The following KHDRBS2 variants were observed in gnomAD, a reference collection of about 807,000 sequenced individuals.
KHDRBS2 encodes KH domain-containing, RNA-binding, signal transduction-associated protein 2.
Under a neutral mutation model 44.3 loss-of-function variants are expected in KHDRBS2, and 26 were observed. The ratio of observed to expected loss-of-function variants is 0.59; its 90% CI spans 0.43 to 0.81. The LOEUF is 0.81. KHDRBS2 is among the 40% of genes least tolerant of loss of function. The pLI is 0.00. For missense variants in KHDRBS2, 476 were observed against 433.1 expected, an observed-to-expected ratio of 1.10 and a Z score of -0.88; for synonymous variants, 194 against 151.1, an observed-to-expected ratio of 1.28 and a Z score of -2.08.
At chr6:62,081,589 A>C (rs1004048526) in intron 2 of KHDRBS2, among the ~76,000 whole-genome samples, 10 of 152,136 alleles carry the variant, frequency 6.6e-5, no homozygotes, top group Non-Finnish European at 1.0e-4. Context: ...TTCTCTGTTA[A>C]AGCAGATCAA....
chr6:62,210,834 T>C (rs1287652673), intron 1 of KHDRBS2, among the ~76,000 whole-genome samples: 1 of 151,954 alleles, frequency 6.6e-6, no homozygotes, highest in African/African-American at 2.4e-5. Flanking sequence ...TCTCAGAGAG[T>C]TACCCTCTAA....
the KHDRBS2 span, among the ~76,000 whole-genome samples, chr6:61,625,830 A>G: frequency 1.3e-5 from 2 of 152,216 alleles, no homozygotes; most frequent in Non-Finnish European, 2.9e-5. Context: ...AGATAAGCCT[A>G]TGAAAGTTCT....
chr6:61,769,963 G>A (rs1011950627), intron 6 of KHDRBS2, among the ~76,000 whole-genome samples: 8 of 152,106 alleles, frequency 5.3e-5, no homozygotes, highest in Non-Finnish European at 1.0e-4. Context: ...CACCTCACAC[G>A]GCTGTGTACT....
At chr6:61,796,621 T>C (rs908585552) in intron 6 of KHDRBS2, among the ~76,000 whole-genome samples, 2 of 151,854 alleles carry the variant, frequency 1.3e-5, no homozygotes, top group Admixed American at 6.6e-5. Context: ...ATATAGTGCA[T>C]AATGACAAAA....
the KHDRBS2 span, among the ~76,000 whole-genome samples, chr6:61,591,817 G>A: frequency 6.6e-6 from 1 of 152,146 alleles, no homozygotes. Context: ...CATCAAAGCA[G>A]GGAAGGGGTC....
At chr6:61,953,447 A>T (rs576260810) in intron 4 of KHDRBS2, among the ~76,000 whole-genome samples, 60 of 152,130 alleles carry the variant, frequency 3.9e-4, no homozygotes, top group African/African-American at 1.3e-3. Flanking sequence ...ATACATGCTG[A>T]CTCAGAACCA....
At chr6:61,580,997 C>A in the KHDRBS2 span, among the ~76,000 whole-genome samples, 1 of 152,058 alleles carries the variant, frequency 6.6e-6, no homozygotes, top group African/African-American at 2.4e-5. Context: ...AATAATGAAA[C>A]ATAATATAGA....
At chr6:61,907,449 CT>C (rs1341563886) in intron 4 of KHDRBS2, among the ~76,000 whole-genome samples, 3 of 152,080 alleles carry the variant, frequency 2.0e-5, no homozygotes, top group Admixed American at 2.0e-4. Context: ...GTTGCCTGTG[CT>C]TTTTGAAGTA....
At chr6:61,563,963 CA>C in the KHDRBS2 span, among the ~76,000 whole-genome samples, 1 of 152,028 alleles carries the variant, frequency 6.6e-6, no homozygotes, top group Non-Finnish European at 1.5e-5. Flanking sequence ...TGACCTTGGA[CA>C]GTTTATTAGT....
intron 4 of KHDRBS2, among the ~76,000 whole-genome samples, chr6:61,911,485 G>A (rs1806043559): frequency 6.6e-6 from 1 of 152,122 alleles, no homozygotes; most frequent in South Asian, 2.1e-4. Context: ...AAGGATCGAA[G>A]CCTTCTTTAA....
intron 6 of KHDRBS2, among the ~76,000 whole-genome samples, chr6:61,846,661 C>T (rs1794461636): frequency 6.6e-6 from 1 of 152,062 alleles, no homozygotes; most frequent in African/African-American, 2.4e-5. Context: ...ATATTTATAA[C>T]TCATTTTTCT....
intron 3 of KHDRBS2, among the ~76,000 whole-genome samples, chr6:62,025,367 A>C (rs1783100087): frequency 6.6e-6 from 1 of 151,726 alleles, no homozygotes; most frequent in Non-Finnish European, 1.5e-5. Flanking sequence ...TTAATGAGAA[A>C]AACTTTAAAG....
Position 61,845,728 on chromosome 6 carries a change from G to A in KHDRBS2, c.810+48907C>T, listed in dbSNP as rs577548041. On this transcript the variant is annotated intron_variant, in intron 6 of 8. Transcript: ENST00000281156. ...AGGTCGTTGGTGGTGAACGTGGAGAGAATAAATCTGAGAAAGCCTCTCTAT... is the reference window on the plus strand; with the variant it reads ...AGGTCGTTGGTGGTGAACGTGGAGAAAATAAATCTGAGAAAGCCTCTCTAT... Among the ~76,000 whole-genome samples the A allele has an allele frequency of 2.0e-5, 3 of 152,330 alleles. No homozygotes were observed. The South Asian group carries it at 6.2e-4, about 32-fold the overall frequency.
Position 62,027,954 on chromosome 6 carries a change from C to T in KHDRBS2, c.336+19924G>A, listed in dbSNP as rs141003016. Reference sequence around the variant, plus strand: ...AGCAAATTAACAAACCCGAGGAAGTCGTTGTAGGAATCTCCAGTTTGTAGC... The same window carrying T: ...AGCAAATTAACAAACCCGAGGAAGTTGTTGTAGGAATCTCCAGTTTGTAGC... On this transcript the variant is annotated intron_variant, in intron 3 of 8. Coordinates refer to ENST00000281156, the MANE Select transcript of KHDRBS2 (RefSeq NM_152688.4). 1.2e-4 allele frequency among the ~76,000 whole-genome samples: 18 copies of T among 152,098 alleles called. No individual in the cohort carries two copies. The Middle Eastern group carries it at 0.01, about 86-fold the overall frequency.
intron 7 of KHDRBS2, among the ~76,000 whole-genome samples, chr6:61,722,833 C>T (rs1407745266): frequency 6.6e-6 from 1 of 151,956 alleles, no homozygotes; most frequent in Non-Finnish European, 1.5e-5. Context: ...CCTCAGCCTC[C>T]TCAGTAGCTG....
chr6:61,785,166 A>AAAC (rs1182346562), intron 6 of KHDRBS2, among the ~76,000 whole-genome samples: 1 of 137,026 alleles, frequency 7.3e-6, no homozygotes, highest in African/African-American at 2.9e-5. Flanking sequence ...ACAAACAAAC[A>AAAC]AACAACAACA....
chr6:62,100,869 G>T (rs996382378), intron 2 of KHDRBS2, among the ~76,000 whole-genome samples: 1 of 152,046 alleles, frequency 6.6e-6, no homozygotes, highest in Non-Finnish European at 1.5e-5. Flanking sequence ...CATCTCTGAG[G>T]TATGCCTATA....
chr6:61,901,946 T>A (rs533190802), intron 4 of KHDRBS2, among the ~76,000 whole-genome samples: 9 of 152,276 alleles, frequency 5.9e-5, no homozygotes, highest in African/African-American at 1.9e-4. Context: ...TATTTATTTA[T>A]TTTCATTATT....
chr6:61,911,906 A>C (rs1266613872), intron 4 of KHDRBS2, among the ~76,000 whole-genome samples: 5 of 152,056 alleles, frequency 3.3e-5, no homozygotes, highest in Admixed American at 2.6e-4. Flanking sequence ...AACACCCTGC[A>C]TACTATTCAT....
Sources: allele counts gnomAD v4.1 joint callset (sites outside exome capture counted in the v4.1 genomes callset), GRCh38; gene constraint gnomAD v4.1.1; transcripts MANE v1.5; gene names NCBI Gene and HGNC (gene_info 2026-07-23, HGNC 2026-07-21).